DCC: variants seen among roughly 807,000 people sequenced by gnomAD.
The protein encoded by DCC is netrin receptor DCC.
A neutral mutation model predicts 172.5 loss-of-function variants in DCC; 58 were observed. That is an observed-to-expected ratio of 0.34 (90% confidence interval 0.27 to 0.42). DCC has a LOEUF of 0.42. Ranked by LOEUF, DCC falls within the 10% of genes least tolerant of loss-of-function variation. The pLI, the probability that DCC is intolerant of heterozygous loss-of-function variation, is 1.00. For missense variants in DCC, 1,740 were observed against 1,791.0 expected, an observed-to-expected ratio of 0.97 and a Z score of 0.51; for synonymous variants, 709 against 644.5, an observed-to-expected ratio of 1.10 and a Z score of -1.52.
chr18:53,420,570 G>A (rs1284906592), intron 21 of DCC, among the ~76,000 whole-genome samples: 1 of 152,096 alleles, frequency 6.6e-6, no homozygotes, highest in Non-Finnish European at 1.5e-5. Flanking sequence ...TTCTGGTGAG[G>A]GTCCTCTTCC....
chr18:53,266,338 A>G (rs569655458), intron 12 of DCC, among the ~76,000 whole-genome samples: 4 of 152,312 alleles, frequency 2.6e-5, no homozygotes, highest in South Asian at 4.1e-4. Flanking sequence ...CAGCAGTTGG[A>G]ACAACTTGGA....
At chr18:53,199,175 A>C (rs2055496789) in intron 9 of DCC, among the ~76,000 whole-genome samples, 1 of 150,938 alleles carries the variant, frequency 6.6e-6, no homozygotes, top group Non-Finnish European at 1.5e-5. Flanking sequence ...TCTGGGGTTC[A>C]AGGGATCAGG....
chr18:53,034,395 T>A (rs1371786976), intron 5 of DCC, among the ~76,000 whole-genome samples: 1 of 152,100 alleles, frequency 6.6e-6, no homozygotes, highest in Non-Finnish European at 1.5e-5. Flanking sequence ...TATTTCTTTG[T>A]TCAGGCCCAA....
At position 53,486,825 on chromosome 18, in the gene DCC, G is replaced by T. The variant is rs935877388; in HGVS notation, c.3765G>T (p.Thr1255=). 4 of 1,613,932 alleles carry T rather than the reference G, an allele frequency of 2.5e-6. No individual in the cohort carries two copies. Among genetic ancestry groups the T allele is most frequent in the South Asian group, 1.1e-5 (1 of 91,080 alleles). Residue 1255 remains threonine (T), a synonymous_variant, in exon 26 of 29, where the codon ACG becomes ACT. Transcript: ENST00000442544. ...TCGTGAGCGCCATCCCGGTGCCAAC[G>T]CTAGAAAGTGCCCAGTACCCAGGAA... is the stretch of plus-strand genomic sequence containing the variant. ...PAVVSAIPVP[T]LESAQYPGIL...
chr18:52,364,654 C>T (rs1460643887), intron 1 of DCC, among the ~76,000 whole-genome samples: 1 of 152,194 alleles, frequency 6.6e-6, no homozygotes, highest in East Asian at 1.9e-4. Context: ...CTTATTATGC[C>T]TCTGCCTTAA....
chr18:53,099,025 G>A (rs996533997), intron 7 of DCC, among the ~76,000 whole-genome samples: 3 of 151,946 alleles, frequency 2.0e-5, no homozygotes, highest in Non-Finnish European at 4.4e-5. Context: ...AATAATAATA[G>A]TAATAGTAAT....
chr18:53,216,142 C>T (rs556571365), intron 12 of DCC, among the ~76,000 whole-genome samples: 10 of 152,176 alleles, frequency 6.6e-5, no homozygotes, highest in Non-Finnish European at 1.3e-4. Flanking sequence ...GTTGCTATGA[C>T]TTCCAAAGGA....
chr18:53,235,403 G>C (rs1022225819), intron 12 of DCC, among the ~76,000 whole-genome samples: 1 of 152,088 alleles, frequency 6.6e-6, no homozygotes, highest in East Asian at 1.9e-4. Flanking sequence ...TCTTTTGTCT[G>C]AGTAGAGTTA....
Position 52,442,223 on chromosome 18 carries a change from A to G in DCC, c.91+101345A>G, listed in dbSNP as rs139127228. On this transcript the variant is annotated intron_variant, in intron 1 of 28. Coordinates refer to ENST00000442544, the MANE Select transcript of DCC (RefSeq NM_005215.4). ...AAAAAGAGACCTTCTCTAATTTCTCATCTGTCAAGAACAGTTAGAACTGTG... is the reference window on the plus strand; with the variant it reads ...AAAAAGAGACCTTCTCTAATTTCTCGTCTGTCAAGAACAGTTAGAACTGTG... Among the ~76,000 whole-genome samples, 331 of 152,296 alleles carry G rather than the reference A, an allele frequency of 2.2e-3. 1 individual carries two copies. The highest frequency in any genetic ancestry group is 7.7e-3 in the African/African-American group (320 of 41,566).
intron 2 of DCC, among the ~76,000 whole-genome samples, chr18:52,824,836 G>A (rs1016630011): frequency 3.3e-5 from 5 of 152,072 alleles, no homozygotes; most frequent in African/African-American, 1.2e-4. Flanking sequence ...CAGGCATGGT[G>A]ACAGGTGCCT....
chr18:52,787,326 C>T (rs1276508811), intron 2 of DCC, among the ~76,000 whole-genome samples: 3 of 152,058 alleles, frequency 2.0e-5, no homozygotes, highest in African/African-American at 7.2e-5. Flanking sequence ...TGTTAAGGTC[C>T]TTAATATGGC....
chr18:53,034,439 C>G (rs909325023), intron 5 of DCC, among the ~76,000 whole-genome samples: 1 of 151,990 alleles, frequency 6.6e-6, no homozygotes, highest in Non-Finnish European at 1.5e-5. Context: ...CAACATCTTT[C>G]TTTCTCCTCC....
Position 53,143,984 on chromosome 18 carries a change from A to G in DCC, c.1262-13372A>G, listed in dbSNP as rs1011448769. ...ATAATTCTCTTTGGTGGAATTAATA[A>G]TTACTTGGAGGATGAAGTTACAATA... On this transcript the variant is annotated intron_variant, in intron 7 of 28. Coordinates refer to ENST00000442544, the MANE Select transcript of DCC (RefSeq NM_005215.4). Among the ~76,000 whole-genome samples, 6 of 152,338 alleles carry G rather than the reference A, an allele frequency of 3.9e-5. No individual in the cohort carries two copies. The East Asian group carries it at 1.2e-3, about 29-fold the overall frequency.
At chr18:52,759,542 G>A (rs8092051) in intron 2 of DCC, among the ~76,000 whole-genome samples, 31,763 of 152,010 alleles carry the variant, frequency 0.21, 4,722 homozygotes, top group African/African-American at 0.42. Context: ...CTCTTAAGCT[G>A]TCTACAGTTC....
intron 8 of DCC, among the ~76,000 whole-genome samples, chr18:53,174,385 G>T (rs1429395291): frequency 2.0e-5 from 3 of 151,484 alleles, no homozygotes; most frequent in Non-Finnish European, 2.9e-5. Context: ...ATTAATCCAG[G>T]AGCTGGTTTT....
chr18:53,226,837 ATTAAC>A (rs1347797736), intron 12 of DCC, among the ~76,000 whole-genome samples: 2 of 151,020 alleles, frequency 1.3e-5, no homozygotes, highest in Admixed American at 6.6e-5. Flanking sequence ...ATCAGTCATT[ATTAAC>A]TTAAATAGTA....
At chr18:53,010,103 T>G (rs1244973052) in intron 5 of DCC, among the ~76,000 whole-genome samples, 1 of 152,022 alleles carries the variant, frequency 6.6e-6, no homozygotes, top group Non-Finnish European at 1.5e-5. Flanking sequence ...AATGTTGCAA[T>G]TAATCTCTGC....
chr18:53,298,558 G>T (rs1352600252), intron 12 of DCC, among the ~76,000 whole-genome samples: 1 of 113,412 alleles, frequency 8.8e-6, no homozygotes, highest in Non-Finnish European at 1.9e-5. Flanking sequence ...AAAAAAAAAA[G>T]GCTTGCAGAA....
chr18:52,877,853 G>A (rs144105708), intron 2 of DCC, among the ~76,000 whole-genome samples: 16 of 151,956 alleles, frequency 1.1e-4, no homozygotes, highest in African/African-American at 2.7e-4. Context: ...TTTTATCTAC[G>A]TATGAATCTG....
Sources: gnomAD v4.1 joint callset for allele counts (sites outside exome capture counted in the v4.1 genomes callset) on GRCh38, gnomAD v4.1.1 for gene constraint, MANE v1.5 for transcripts, NCBI Gene and HGNC (gene_info 2026-07-23, HGNC 2026-07-21) for gene names.